The following NACC1 variants were observed in gnomAD, a reference collection of about 807,000 sequenced individuals.
NACC1 encodes nucleus accumbens associated 1, also known as nucleus accumbens-associated protein 1.
NACC1 carries 6 observed loss-of-function variants against 41.7 expected under a neutral mutation model. That is an observed-to-expected ratio of 0.14 (90% CI 0.08 to 0.28). The LOEUF is 0.28. NACC1 is among the 10% of genes least tolerant of loss of function. The probability of loss-of-function intolerance (pLI) is 1.00; values close to 1 mark genes in which losing one functional copy is unlikely to be tolerated. For missense variants in NACC1, 434 were observed against 763.7 expected (o/e 0.57, Z 5.09); for synonymous variants, 338 against 330.6 (o/e 1.02, Z -0.24).
intron 1 of NACC1, among the ~76,000 whole-genome samples, chr19:13,123,106 A>C (rs1315910323): frequency 6.6e-6 from 1 of 152,150 alleles, no homozygotes; most frequent in Non-Finnish European, 1.5e-5. Flanking sequence ...GTGGTTCCCT[A>C]GCACAGCCCA....
intron 1 of NACC1, among the ~76,000 whole-genome samples, chr19:13,120,321 C>T (rs944315412): frequency 2.0e-5 from 3 of 152,192 alleles, no homozygotes; most frequent in African/African-American, 7.2e-5. Context: ...CTGTTTTTGC[C>T]CCACTTTGGC....
Position 13,138,563 on chromosome 19 carries a change from A to C in NACC1, c.*157A>C. On this transcript the variant is annotated 3_prime_UTR_variant, in exon 6 of 6. Coordinates refer to ENST00000292431, the MANE Select transcript of NACC1 (RefSeq NM_052876.4). The surrounding 1 kb of genome is among the most constrained non-coding windows in gnomAD (Gnocchi z 5.7). ...CCCTCCTGTCCTACCCCCTTTCCCCACCGAGAGCTGGGCCGGGAGAGGACC... is the reference window on the plus strand; with the variant it reads ...CCCTCCTGTCCTACCCCCTTTCCCCCCCGAGAGCTGGGCCGGGAGAGGACC... The C allele has an allele frequency of 3.3e-5, 36 of 1,102,674 alleles. No individual in the cohort carries two copies. Among genetic ancestry groups the C allele is most frequent in the Non-Finnish European group, 4.3e-5 (34 of 789,112 alleles). 68.3% of individuals were successfully genotyped at this position (1,102,674 alleles called of 1,614,324 possible).
In NACC1 at chr19:13,135,430, C is replaced by T; in HGVS notation, c.223C>T (p.Pro75Ser). Residue 75 changes from proline to serine, a missense_variant, in exon 2 of 6, where the codon CCC becomes TCC. Around this residue, in one of 4 missense-constraint regions of NACC1, gnomAD observed 67 missense variants for 180.1 expected, o/e 0.37. Coordinates refer to ENST00000292431, the MANE Select transcript of NACC1 (RefSeq NM_052876.4). ...AVVELPAAVQPQSFQQILSFC... is the reference protein window; with the variant it reads ...AVVELPAAVQSQSFQQILSFC... The stretch of plus-strand genomic sequence containing the variant: ...GGTGGAGCTGCCGGCGGCTGTGCAG[C>T]CCCAGTCTTTCCAGCAGATCCTCAG... 1 of 1,613,018 alleles carries T rather than the reference C, an allele frequency of 6.2e-7. No individual in the cohort carries two copies.
At position 13,138,037 on chromosome 19, in the gene NACC1, CTCGTT is replaced by C; in HGVS notation, c.1325-107_1325-103del. The C allele has an allele frequency of 6.6e-7, 1 of 1,510,344 alleles. No homozygotes were observed. Among genetic ancestry groups the C allele is most frequent in the Non-Finnish European group, 9.0e-7 (1 of 1,116,118 alleles). 93.6% of individuals were successfully genotyped at this position (1,510,344 alleles called of 1,614,324 possible). A position where few individuals can be genotyped will look rare whatever the true frequency, so the allele number is the denominator to read the frequency against. ...GTGGTGTCCTGGCCGCGTGGCCTCACTCGTTTCCCCTTTGAGAGGGAGTCGCAGAT... is the reference window on the plus strand; with the variant it reads ...GTGGTGTCCTGGCCGCGTGGCCTCACTCCCCTTTGAGAGGGAGTCGCAGAT... On this transcript the variant is annotated intron_variant, in intron 5 of 5. Transcript: ENST00000292431. The surrounding 1 kb of genome is among the most constrained non-coding windows in gnomAD (Gnocchi z 5.7).
At chr19:13,133,378 T>A (rs540708780) in intron 1 of NACC1, among the ~76,000 whole-genome samples, 1 of 151,386 alleles carries the variant, frequency 6.6e-6, no homozygotes, top group African/African-American at 2.4e-5. Context: ...GAAAAAAGAA[T>A]AAACCCCACA....
At chr19:13,119,548 G>A (rs184192832) in intron 1 of NACC1, among the ~76,000 whole-genome samples, 1 of 152,238 alleles carries the variant, frequency 6.6e-6, no homozygotes, top group Non-Finnish European at 1.5e-5. Flanking sequence ...GGTGGTTCAA[G>A]CCTAGTGGAT....
chr19:13,124,531 G>GC lies in NACC1; in HGVS notation c.-9+6083dup, dbSNP rs35415128. On this transcript the variant is annotated intron_variant, in intron 1 of 5. Coordinates refer to ENST00000292431, the MANE Select transcript of NACC1 (RefSeq NM_052876.4). Reference sequence around the variant, plus strand: ...TCTGGGATTACAGGTAGGAGTCACCGCCCCCCACTGAACAGTTTGTTCTTC... The same window carrying GC: ...TCTGGGATTACAGGTAGGAGTCACCGCCCCCCCACTGAACAGTTTGTTCTTC... 5.3e-5 allele frequency among the ~76,000 whole-genome samples: 8 copies of GC among 152,080 alleles called. 1 individual carries two copies. The highest frequency in any genetic ancestry group is 1.9e-4 in the African/African-American group (8 of 41,472).
At chr19:13,127,734 C>G (rs2019584215) in intron 1 of NACC1, among the ~76,000 whole-genome samples, 1 of 151,300 alleles carries the variant, frequency 6.6e-6, no homozygotes, top group South Asian at 2.1e-4. Context: ...GTGGTCCCAG[C>G]TATTTGGGAA....
At chr19:13,130,940 G>A (rs566645812) in intron 1 of NACC1, among the ~76,000 whole-genome samples, 3 of 152,214 alleles carry the variant, frequency 2.0e-5, no homozygotes, top group Non-Finnish European at 2.9e-5. Flanking sequence ...CTTCCTGGCA[G>A]CCCTGTCCCT....
chr19:13,127,986 C>G (rs1372903465), intron 1 of NACC1, among the ~76,000 whole-genome samples: 1 of 152,068 alleles, frequency 6.6e-6, no homozygotes, highest in Non-Finnish European at 1.5e-5. Context: ...TTGTAGGGGC[C>G]CAGGCAGTGT....
intron 1 of NACC1, among the ~76,000 whole-genome samples, chr19:13,131,053 C>G (rs1043244875): frequency 6.6e-6 from 1 of 152,148 alleles, no homozygotes; most frequent in African/African-American, 2.4e-5. Context: ...GTTGCTCAAC[C>G]TTTTATGGTC....
rs1387670554 is a variant in NACC1 at position 13,118,354 on chromosome 19, G to A, written c.-109G>A. 6.8e-6 allele frequency: 1 copy of A among 146,712 alleles called. No individual in the cohort carries two copies. Among genetic ancestry groups the A allele is most frequent in the Non-Finnish European group, 1.5e-5 (1 of 65,958 alleles). The allele number at this position is 146,712 out of a possible 1,614,324, so 9.1% of individuals were successfully genotyped here. ...GGCCGCGGAGGCCGCGGAGGCGGAG[G>A]CCGAGGCCCCGGCGCAGCGGGGCGC... On this transcript the variant is annotated 5_prime_UTR_variant, in exon 1 of 6. Transcript: ENST00000292431.
intron 1 of NACC1, among the ~76,000 whole-genome samples, chr19:13,126,578 C>T (rs2019565700): frequency 6.6e-6 from 1 of 152,110 alleles, no homozygotes; most frequent in African/African-American, 2.4e-5. Context: ...CAGGAATCAT[C>T]CTGCCAGCCC....
chr19:13,124,728 G>A (rs1236805277), intron 1 of NACC1, among the ~76,000 whole-genome samples: 1 of 152,166 alleles, frequency 6.6e-6, no homozygotes, highest in African/African-American at 2.4e-5. Flanking sequence ...ACTTGGAGTT[G>A]CTGGTCTCCC....
intron 1 of NACC1, among the ~76,000 whole-genome samples, chr19:13,121,263 T>C (rs143832568): frequency 1.5e-4 from 23 of 152,246 alleles, no homozygotes; most frequent in Non-Finnish European, 2.9e-4. Context: ...ACAGCTTTTC[T>C]TGAGTATGTA....
In NACC1 at chr19:13,137,320, C is replaced by T. The variant is rs375919115; in HGVS notation, c.1170C>T (p.Ser390=). Residue 390 remains serine, a synonymous_variant, in exon 4 of 6, where the codon AGC becomes AGT. Transcript: ENST00000292431. This position sits in a 1 kb window ranked among gnomAD's most constrained non-coding sequence, Gnocchi z 6.1. Reference sequence around the variant, plus strand: ...CGCAGCTGATGAACTGCCACGTCAGCGCAGGCACGCGGCACAAGGTCCTAC... The same window carrying T: ...CGCAGCTGATGAACTGCCACGTCAGTGCAGGCACGCGGCACAAGGTCCTAC... The part of the protein sequence containing the change: ...TRAQLMNCHV[S]AGTRHKVLLR... The T allele has an allele frequency of 5.2e-5, 84 of 1,613,840 alleles. 1 individual carries two copies. Among genetic ancestry groups the T allele is most frequent in the South Asian group, 1.6e-4 (15 of 91,086 alleles).
At chr19:13,121,934 T>C (rs771402845) in intron 1 of NACC1, among the ~76,000 whole-genome samples, 2 of 152,200 alleles carry the variant, frequency 1.3e-5, no homozygotes, top group African/African-American at 2.4e-5. Flanking sequence ...TGCAAAGTGG[T>C]CTGGCTACCA....
In NACC1 at chr19:13,130,391, C is replaced by G. The variant is rs557977719; in HGVS notation, c.-8-4809C>G. Among the ~76,000 whole-genome samples the G allele has an allele frequency of 6.6e-5, 10 of 152,146 alleles. No individual in the cohort carries two copies. In the East Asian group the frequency reaches 1.9e-3, roughly 29 times the overall value. ...CCGTGCCCAGCCTCTCTGCACTGTT[C>G]TTTAACACATTTACAAATATTTACT... is the stretch of plus-strand genomic sequence containing the variant. On this transcript the variant is annotated intron_variant, in intron 1 of 5. Coordinates refer to ENST00000292431, the MANE Select transcript of NACC1 (RefSeq NM_052876.4).
At position 13,135,571 on chromosome 19, in the gene NACC1, A is replaced by C. The variant is rs2019691178; in HGVS notation, c.364A>C (p.Lys122Gln). Residue 122 changes from lysine (K) to glutamine (Q), a missense_variant, in exon 2 of 6, where the codon AAG (lysine) becomes CAG (glutamine). This residue lies in a region of NACC1 where 67 missense variants were observed against 180.1 expected (regional missense o/e 0.37). Transcript: ENST00000292431. ...GGAGAAGGGCACCGAGTTCTTCCTC[A>C]AGGTGAGCTCCCCGAGCTGCGACTC... ...IMEKGTEFFL[K>Q]VSSPSCDSQG... 1 of 1,605,984 alleles carries C rather than the reference A, an allele frequency of 6.2e-7. No individual in the cohort carries two copies. The highest frequency in any genetic ancestry group is 1.3e-5 in the African/African-American group (1 of 74,892).
Sources: gnomAD v4.1 joint callset for allele counts (sites outside exome capture counted in the v4.1 genomes callset) on GRCh38, gnomAD v4.1.1 for gene constraint, gnomAD v4.1.1 regional missense constraint, Gnocchi (gnomAD v3.1) non-coding constraint, MANE v1.5 for transcripts, NCBI Gene and HGNC (gene_info 2026-07-23, HGNC 2026-07-21) for gene names.